Variants in ZFAND3 observed in about 807,000 individuals in gnomAD.
ZFAND3 encodes AN1-type zinc finger protein 3.
In ZFAND3, 10 loss-of-function variants were observed where a neutral mutation model predicts 29.6. The ratio of observed to expected loss-of-function variants is 0.34; its 90% CI spans 0.21 to 0.57. ZFAND3 has a LOEUF of 0.57. Ranked by LOEUF, ZFAND3 falls within the 20% of genes least tolerant of loss-of-function variation. The probability of loss-of-function intolerance (pLI) is 0.86; values close to 1 mark genes in which losing one functional copy is unlikely to be tolerated. For missense variants in ZFAND3, 230 were observed against 304.5 expected (o/e 0.76, Z 1.82); for synonymous variants, 128 against 112.6 (o/e 1.14, Z -0.87).
intron 2 of ZFAND3, among the ~76,000 whole-genome samples, chr6:37,941,133 TAACTC>T (rs1761803431): frequency 6.6e-6 from 1 of 152,252 alleles, no homozygotes; most frequent in Admixed American, 6.5e-5. Flanking sequence ...TCAAATGGGT[TAACTC>T]ATGTTCCCAA....
At chr6:38,011,550 G>A (rs1474728860) in intron 2 of ZFAND3, among the ~76,000 whole-genome samples, 2 of 152,012 alleles carry the variant, frequency 1.3e-5, no homozygotes, top group Non-Finnish European at 2.9e-5. Context: ...ATTTTAATTT[G>A]TAGTTTTAAT....
chr6:38,005,703 A>G (rs1227860645), intron 2 of ZFAND3, among the ~76,000 whole-genome samples: 2 of 152,246 alleles, frequency 1.3e-5, no homozygotes, highest in African/African-American at 4.8e-5. Context: ...TTAATAAAGG[A>G]TGACTTGCCA....
At chr6:37,945,944 TG>T (rs1189668807) in intron 2 of ZFAND3, among the ~76,000 whole-genome samples, 1 of 152,188 alleles carries the variant, frequency 6.6e-6, no homozygotes, top group African/African-American at 2.4e-5. Context: ...ATTTGGTCAG[TG>T]ATTCTAGTTG....
intron 2 of ZFAND3, among the ~76,000 whole-genome samples, chr6:37,969,693 C>G (rs1410888011): frequency 6.6e-6 from 1 of 152,066 alleles, no homozygotes. Flanking sequence ...GTGAGTTACT[C>G]AGAAGAACTA....
At chr6:37,887,801 G>C (rs546737382) in intron 1 of ZFAND3, among the ~76,000 whole-genome samples, 36 of 152,320 alleles carry the variant, frequency 2.4e-4, no homozygotes, top group African/African-American at 8.4e-4. Context: ...AGTTCTCTTA[G>C]CCATTGATTG....
chr6:38,151,243 C>T (rs986759925), intron 5 of ZFAND3, among the ~76,000 whole-genome samples: 6 of 152,146 alleles, frequency 3.9e-5, no homozygotes, highest in African/African-American at 9.7e-5. Context: ...TTACCTGTAC[C>T]GGCTCCCTGC....
chr6:38,090,978 T>TA (rs558193740), intron 4 of ZFAND3, among the ~76,000 whole-genome samples: 2 of 152,184 alleles, frequency 1.3e-5, no homozygotes, highest in African/African-American at 4.8e-5. Context: ...TTGCTATACT[T>TA]AAAGTCAAAA....
chr6:38,041,149 A>G (rs1763752106), intron 2 of ZFAND3, among the ~76,000 whole-genome samples: 1 of 152,166 alleles, frequency 6.6e-6, no homozygotes. Context: ...CCTCATGATT[A>G]GATTGAAATT....
At chr6:38,059,232 C>G (rs892039984) in intron 2 of ZFAND3, among the ~76,000 whole-genome samples, 1 of 152,162 alleles carries the variant, frequency 6.6e-6, no homozygotes, top group Non-Finnish European at 1.5e-5. Flanking sequence ...TGTCCGAAAT[C>G]TGGTATATTA....
chr6:38,001,116 G>A (rs1379462279), intron 2 of ZFAND3, among the ~76,000 whole-genome samples: 1 of 152,160 alleles, frequency 6.6e-6, no homozygotes, highest in Non-Finnish European at 1.5e-5. Context: ...TTTTACTAAG[G>A]AGATTTTTAA....
intron 1 of ZFAND3, among the ~76,000 whole-genome samples, chr6:37,873,729 A>G (rs148926346): frequency 2.0e-5 from 3 of 152,300 alleles, no homozygotes; most frequent in African/African-American, 7.2e-5. Flanking sequence ...TTTTTCTCAG[A>G]TTGGCACACT....
intron 2 of ZFAND3, among the ~76,000 whole-genome samples, chr6:38,039,518 G>A (rs1443674448): frequency 6.6e-6 from 1 of 152,198 alleles, no homozygotes; most frequent in Non-Finnish European, 1.5e-5. Context: ...TCATAAGGTA[G>A]AGTAGTAGTC....
intron 1 of ZFAND3, among the ~76,000 whole-genome samples, chr6:37,905,013 G>A (rs1351889035): frequency 6.6e-6 from 1 of 152,154 alleles, no homozygotes; most frequent in African/African-American, 2.4e-5. Flanking sequence ...GGTAATATAA[G>A]TACAATTTGG....
At chr6:38,006,798 G>A (rs537448723) in intron 2 of ZFAND3, among the ~76,000 whole-genome samples, 3 of 151,390 alleles carry the variant, frequency 2.0e-5, no homozygotes, top group Non-Finnish European at 2.9e-5. Flanking sequence ...TCTAAATATT[G>A]CACCCCTGCC....
At chr6:37,858,278 G>T (rs1764420403) in intron 1 of ZFAND3, among the ~76,000 whole-genome samples, 1 of 152,186 alleles carries the variant, frequency 6.6e-6, no homozygotes, top group Admixed American at 6.5e-5. Flanking sequence ...GCAACTTTAT[G>T]CTGGAAGAAC....
Position 38,153,637 on chromosome 6 carries a change from A to G in ZFAND3, c.*1248A>G. ...CTGTGCCCCCTCATGTTCACAGAGG[A>G]TTTCAGCAGCTGCAACTGCGCACGC... is the stretch of plus-strand genomic sequence containing the variant. On this transcript the variant is annotated 3_prime_UTR_variant, in exon 6 of 6. Transcript: ENST00000287218. 1 of 984,548 alleles carries G rather than the reference A, an allele frequency of 1.0e-6. No individual in the cohort carries two copies. The highest frequency in any genetic ancestry group is 1.2e-6 in the Non-Finnish European group (1 of 829,574). The allele number at this position is 984,548 out of a possible 1,614,324, so 61.0% of individuals were successfully genotyped here.
chr6:38,041,631 T>TTCTTCTTCTTCTTCTTCTTCTTC (rs1561976605), intron 2 of ZFAND3, among the ~76,000 whole-genome samples: 1 of 56,196 alleles, frequency 1.8e-5, no homozygotes, highest in African/African-American at 5.5e-5. Context: ...TTATCTACTT[T>TTCTTCTTCTTCTTCTTCTTCTTC]TTCTTCTTCT....
At chr6:38,134,768 C>T (rs1407126047) in intron 5 of ZFAND3, among the ~76,000 whole-genome samples, 3 of 152,188 alleles carry the variant, frequency 2.0e-5, no homozygotes, top group African/African-American at 4.8e-5. Flanking sequence ...GGCCTGGAGA[C>T]GCAGACTAAG....
intron 2 of ZFAND3, among the ~76,000 whole-genome samples, chr6:38,049,970 G>GTTTTTTTTTTTTTTTT (rs1203997629): frequency 1.4e-4 from 1 of 7,258 alleles, no homozygotes; most frequent in African/African-American, 3.5e-4. Context: ...TTTTTTTTTG[G>GTTTTTTTTTTTTTTTT]GGGAGACAGA....
Sources: allele counts gnomAD v4.1 joint callset (sites outside exome capture counted in the v4.1 genomes callset), GRCh38; gene constraint gnomAD v4.1.1; transcripts MANE v1.5; gene names NCBI Gene and HGNC (gene_info 2026-07-23, HGNC 2026-07-21).